Variants in ITFG1 observed in about 807,000 individuals in gnomAD.
ITFG1 encodes the protein integrin alpha FG-GAP repeat containing 1.
In ITFG1, 34 loss-of-function variants were observed where a neutral mutation model predicts 81.8. The ratio of observed to expected loss-of-function variants is 0.42; its 90% CI spans 0.32 to 0.55. The LOEUF is 0.55. Among genes scored for constraint, ITFG1 ranks in the 20% least tolerant of loss-of-function variants. ITFG1 has a pLI of 0.17. For missense variants in ITFG1, 672 were observed against 755.4 expected (o/e 0.89, Z 1.29); for synonymous variants, 285 against 270.6 (o/e 1.05, Z -0.52).
intron 2 of ITFG1, among the ~76,000 whole-genome samples, chr16:47,458,418 T>G (rs1969480232): frequency 1.3e-5 from 2 of 152,182 alleles, no homozygotes; most frequent in Admixed American, 1.3e-4. Context: ...CAAGCTCAAG[T>G]TCCATGACTC....
At chr16:47,257,705 G>C (rs527597637) in intron 12 of ITFG1, among the ~76,000 whole-genome samples, 8 of 152,144 alleles carry the variant, frequency 5.3e-5, no homozygotes, top group Non-Finnish European at 1.0e-4. Flanking sequence ...GTGTAGACTT[G>C]TATGTACATA....
chr16:47,430,695 A>G (rs1236994828), intron 5 of ITFG1, among the ~76,000 whole-genome samples: 1 of 152,206 alleles, frequency 6.6e-6, no homozygotes, highest in Non-Finnish European at 1.5e-5. Flanking sequence ...TCCCTACTTC[A>G]CACTACATAC....
intron 10 of ITFG1, among the ~76,000 whole-genome samples, chr16:47,274,680 T>A (rs188299749): frequency 6.6e-6 from 1 of 152,302 alleles, no homozygotes; most frequent in East Asian, 1.9e-4. Context: ...AGAATACCTA[T>A]GATAATGAAA....
Position 47,337,804 on chromosome 16 carries a change from T to C in ITFG1, c.803-23981A>G, listed in dbSNP as rs1275141369. 2.0e-5 allele frequency among the ~76,000 whole-genome samples: 3 copies of C among 152,196 alleles called. No homozygotes were observed. In the East Asian group the frequency reaches 5.8e-4, roughly 29 times the overall value. Reference sequence around the variant, plus strand: ...AACCACATGCATTGCCAGGGCAAGATGTGTGCTCAGAAAGGGACCTGAGAA... The same window carrying C: ...AACCACATGCATTGCCAGGGCAAGACGTGTGCTCAGAAAGGGACCTGAGAA... On this transcript the variant is annotated intron_variant, in intron 8 of 17. Coordinates refer to ENST00000320640, the MANE Select transcript of ITFG1 (RefSeq NM_030790.5).
chr16:47,206,842 C>T (rs573997332), intron 14 of ITFG1, among the ~76,000 whole-genome samples: 1 of 152,320 alleles, frequency 6.6e-6, no homozygotes, highest in Admixed American at 6.5e-5. Context: ...CTGAATGCTT[C>T]CTATACTTCA....
chr16:47,300,997 GACT>G (rs1168747999), intron 10 of ITFG1, among the ~76,000 whole-genome samples: 1 of 152,144 alleles, frequency 6.6e-6, no homozygotes, highest in African/African-American at 2.4e-5. Flanking sequence ...TAAATAAGTA[GACT>G]ATATGATTTT....
At chr16:47,253,937 T>C (rs2151539856) in intron 12 of ITFG1, among the ~76,000 whole-genome samples, 1 of 152,182 alleles carries the variant, frequency 6.6e-6, no homozygotes, top group South Asian at 2.1e-4. Flanking sequence ...CAATAAAAAC[T>C]AGAGTAATTT....
chr16:47,249,223 G>A (rs1349405583), intron 12 of ITFG1, among the ~76,000 whole-genome samples: 1 of 152,116 alleles, frequency 6.6e-6, no homozygotes, highest in African/African-American at 2.4e-5. Context: ...TTTGAGACCA[G>A]CCTAGCCAAC....
intron 12 of ITFG1, 63 bp downstream of exon 12, chr16:47,258,569 T>G: frequency 1.3e-6 from 1 of 783,758 alleles, no homozygotes; most frequent in Admixed American, 2.1e-5. Flanking sequence ...TCCTTGCTCT[T>G]TGGAATATGT....
chr16:47,340,276 T>C (rs1183810334), intron 8 of ITFG1, among the ~76,000 whole-genome samples: 2 of 152,192 alleles, frequency 1.3e-5, no homozygotes, highest in Non-Finnish European at 2.9e-5. Flanking sequence ...GCCAGTATTA[T>C]TGTATTATTT....
chr16:47,183,077 C>T (rs925352589), intron 14 of ITFG1, among the ~76,000 whole-genome samples: 6 of 152,336 alleles, frequency 3.9e-5, no homozygotes, highest in East Asian at 3.9e-4. Flanking sequence ...TAAAAAACGG[C>T]GCACAAGAGA....
intron 8 of ITFG1, among the ~76,000 whole-genome samples, chr16:47,326,158 T>G (rs1324812500): frequency 2.0e-5 from 3 of 152,218 alleles, no homozygotes; most frequent in Admixed American, 1.3e-4. Context: ...GGGATGGAAG[T>G]CTGGTTCAAC....
At chr16:47,433,494 A>G (rs1264010745) in intron 5 of ITFG1, among the ~76,000 whole-genome samples, 1 of 152,164 alleles carries the variant, frequency 6.6e-6, no homozygotes, top group African/African-American at 2.4e-5. Flanking sequence ...GCGCCTAACA[A>G]ATATGAATTT....
chr16:47,288,530 T>C (rs998262024), intron 10 of ITFG1, among the ~76,000 whole-genome samples: 2 of 152,222 alleles, frequency 1.3e-5, no homozygotes, highest in African/African-American at 2.4e-5. Context: ...CTGTTTTCCG[T>C]AATGGCTGTA....
In ITFG1 at chr16:47,438,649, A is replaced by G. The variant is rs377459081; in HGVS notation, c.561-9751T>C. Among the ~76,000 whole-genome samples the G allele has an allele frequency of 5.9e-5, 9 of 152,072 alleles. No homozygotes were observed. In the South Asian group the frequency reaches 6.2e-4, roughly 10 times the overall value. On this transcript the variant is annotated intron_variant, in intron 5 of 17. Transcript: ENST00000320640. ...CCTGACTGTTAGAAGGGAAACTAAC[A>G]AACAGAATGGACATCCACACAAAAA...
At chr16:47,258,097 G>A (rs1309518601) in intron 12 of ITFG1, among the ~76,000 whole-genome samples, 1 of 152,180 alleles carries the variant, frequency 6.6e-6, no homozygotes, top group Admixed American at 6.5e-5. Context: ...GGAAAACAGT[G>A]AGTTTAGGGT....
intron 5 of ITFG1, chr16:47,449,551 T>C (rs906378068): frequency 6.6e-6 from 1 of 152,226 alleles, no homozygotes; most frequent in Non-Finnish European, 1.5e-5. Context: ...ATCTTCAAAC[T>C]GGCATCAGGA....
At position 47,396,483 on chromosome 16, in the gene ITFG1, G is replaced by A. The variant is rs552457636; in HGVS notation, c.656-20543C>T. Reference sequence around the variant, plus strand: ...CAATGAGGACTTGAATTTAGAATGTGAGACTGAGATCAAGGACAGTCTCCT... The same window carrying A: ...CAATGAGGACTTGAATTTAGAATGTAAGACTGAGATCAAGGACAGTCTCCT... On this transcript the variant is annotated intron_variant, in intron 6 of 17. Coordinates refer to ENST00000320640, the MANE Select transcript of ITFG1 (RefSeq NM_030790.5). Among the ~76,000 whole-genome samples the A allele has an allele frequency of 4.7e-5, 7 of 147,394 alleles. No individual in the cohort carries two copies. The East Asian group carries it at 1.4e-3, about 29-fold the overall frequency.
chr16:47,253,494 G>C (rs1963354485), intron 12 of ITFG1, among the ~76,000 whole-genome samples: 1 of 152,114 alleles, frequency 6.6e-6, no homozygotes, highest in South Asian at 2.1e-4. Flanking sequence ...GATGTGTTCT[G>C]AGTATTCTGT....
Sources: allele counts gnomAD v4.1 joint callset (sites outside exome capture counted in the v4.1 genomes callset), GRCh38; gene constraint gnomAD v4.1.1; transcripts MANE v1.5; gene names NCBI Gene and HGNC (gene_info 2026-07-23, HGNC 2026-07-21).